LARS2: variants seen among roughly 807,000 people sequenced by gnomAD.
The protein encoded by LARS2 is leucyl-tRNA synthetase 2, mitochondrial, also known as leucine--tRNA ligase, mitochondrial.
LARS2 carries 81 observed loss-of-function variants against 116.6 expected under a neutral mutation model. The ratio of observed to expected loss-of-function variants is 0.69; its 90% CI spans 0.58 to 0.84. The LOEUF (loss-of-function observed/expected upper bound fraction) is 0.84. LARS2 is among the 40% of genes least tolerant of loss of function. The pLI, the probability that LARS2 is intolerant of heterozygous loss-of-function variation, is 0.00. For missense variants in LARS2, 968 were observed against 1,114.5 expected (o/e 0.87, Z 1.87); for synonymous variants, 396 against 407.2 (o/e 0.97, Z 0.33).
chr3:45,516,191 T>C lies in LARS2; in HGVS notation c.1959T>C (p.Val653=). Residue 653 remains valine (V), a synonymous_variant, in exon 17 of 22, where the codon GTT becomes GTC. Coordinates refer to ENST00000645846, the MANE Select transcript of LARS2 (RefSeq NM_015340.4). ...SKHNGVDPEE[V]VEQYGIDTIR... ...ACAACGGGGTGGACCCAGAGGAAGT[T>C]GTGGAGCAGTATGGGATCGACACGA... 6.2e-7 allele frequency: 1 copy of C among 1,614,178 alleles called. No individual in the cohort carries two copies. Among genetic ancestry groups the C allele is most frequent in the Non-Finnish European group, 8.5e-7 (1 of 1,180,022 alleles).
At chr3:45,535,589 G>C (rs1489233423) in intron 20 of LARS2, among the ~76,000 whole-genome samples, 1 of 152,130 alleles carries the variant, frequency 6.6e-6, no homozygotes. Flanking sequence ...CAATTGTAGA[G>C]ATGGAGAACA....
intron 8 of LARS2, among the ~76,000 whole-genome samples, chr3:45,466,849 T>A (rs952008946): frequency 2.0e-5 from 3 of 152,206 alleles, no homozygotes; most frequent in Non-Finnish European, 4.4e-5. Flanking sequence ...CCTGAGTAGC[T>A]GGGATTACAG....
In LARS2 at chr3:45,520,394, C is replaced by T. The variant is rs115300907; in HGVS notation, c.2292+98C>T. 3,051 of 783,394 alleles carry T rather than the reference C, an allele frequency of 3.9e-3. 46 individuals are homozygous for T. In the African/African-American group the frequency reaches 0.046, roughly 12 times the overall value. The allele number at this position is 783,394 out of a possible 1,614,324, so 48.5% of individuals were successfully genotyped here. On this transcript the variant is annotated intron_variant, in intron 19 of 21. Transcript: ENST00000645846. ...CCAAGAGGGACAGAGAGCACCCCCA[C>T]TGTGTCACCGCCTCAGTGTGGCTTG...
chr3:45,427,863 T>C (rs1347596653), intron 6 of LARS2, among the ~76,000 whole-genome samples: 1 of 150,824 alleles, frequency 6.6e-6, no homozygotes, highest in Non-Finnish European at 1.5e-5. Context: ...CTCTTCTTGC[T>C]CAGGCTGGAG....
At position 45,496,262 on chromosome 3, in the gene LARS2, A is replaced by G. The variant is rs1248129671; in HGVS notation, c.1524-13A>G. 2.5e-6 allele frequency: 4 copies of G among 1,593,966 alleles called. No individual in the cohort carries two copies. Among genetic ancestry groups the G allele is most frequent in the Non-Finnish European group, 3.4e-6 (4 of 1,162,636 alleles). ...AAAAAGAAACCAATTGATGAATTTC[A>G]TTTCTTTCTTAGGTGCAAGGGAGCA... On this transcript the variant is annotated splice_polypyrimidine_tract_variant and intron_variant, in intron 13 of 21. Coordinates refer to ENST00000645846, the MANE Select transcript of LARS2 (RefSeq NM_015340.4).
intron 13 of LARS2, among the ~76,000 whole-genome samples, chr3:45,494,204 G>A (rs1341588161): frequency 6.6e-6 from 1 of 152,160 alleles, no homozygotes; most frequent in East Asian, 1.9e-4. Flanking sequence ...GCCAGATCTA[G>A]GGCGCCCATG....
At chr3:45,444,531 G>T (rs1337397737) in intron 6 of LARS2, among the ~76,000 whole-genome samples, 2 of 144,606 alleles carry the variant, frequency 1.4e-5, no homozygotes, top group African/African-American at 5.0e-5. Flanking sequence ...GGGCGTAGTG[G>T]CGGGCGCCTG....
chr3:45,398,325 A>C (rs1698085511), intron 3 of LARS2, among the ~76,000 whole-genome samples: 1 of 152,152 alleles, frequency 6.6e-6, no homozygotes, highest in South Asian at 2.1e-4. Context: ...TGCTCTACTG[A>C]TTATATTTGG....
At chr3:45,506,713 T>C (rs1027326973) in intron 15 of LARS2, among the ~76,000 whole-genome samples, 2 of 152,210 alleles carry the variant, frequency 1.3e-5, no homozygotes, top group South Asian at 4.1e-4. Flanking sequence ...GCTGAACTCC[T>C]TTGGGTCTCA....
chr3:45,501,956 C>T (rs1700129969), intron 15 of LARS2, among the ~76,000 whole-genome samples: 1 of 151,772 alleles, frequency 6.6e-6, no homozygotes. Flanking sequence ...TTAATTTTTG[C>T]AGGTACATAG....
intron 16 of LARS2, among the ~76,000 whole-genome samples, chr3:45,513,773 C>A (rs1199938372): frequency 6.6e-6 from 1 of 152,196 alleles, no homozygotes; most frequent in Non-Finnish European, 1.5e-5. Context: ...CAAGCCTTTT[C>A]CTTCCACTCT....
chr3:45,499,874 A>T lies in LARS2; in HGVS notation c.1623-568A>T, dbSNP rs1275704688. Among the ~76,000 whole-genome samples the T allele has an allele frequency of 5.9e-5, 9 of 152,128 alleles. No individual in the cohort carries two copies. In the East Asian group the frequency reaches 1.7e-3, roughly 29 times the overall value. ...TTTATATGCAAATTGCTTTTGTTGA[A>T]ATATGTCAGTAATATCTTCTGTAAC... On this transcript the variant is annotated intron_variant, in intron 14 of 21. Transcript: ENST00000645846.
intron 8 of LARS2, among the ~76,000 whole-genome samples, chr3:45,467,111 C>T (rs898148625): frequency 4.6e-5 from 7 of 152,076 alleles, no homozygotes; most frequent in African/African-American, 1.7e-4. Flanking sequence ...CTGTTTTGTT[C>T]TTGGTGGAAT....
In LARS2 at chr3:45,414,427, A is replaced by G. The variant is rs1447234356; in HGVS notation, c.364-3055A>G. 2.6e-5 allele frequency among the ~76,000 whole-genome samples: 4 copies of G among 152,314 alleles called. No homozygotes were observed. In the East Asian group the frequency reaches 5.8e-4, roughly 22 times the overall value. ...AATTATGGTGAATATGTAATTATGG[A>G]AGAAAACAAGACCTATTTCTTTAGT... On this transcript the variant is annotated intron_variant, in intron 4 of 21. Transcript: ENST00000645846.
chr3:45,458,653 C>A, intron 7 of LARS2, 90 bp from the exon 8 acceptor site: 1 of 1,373,456 alleles, frequency 7.3e-7, no homozygotes, highest in Non-Finnish European at 1.0e-6. Flanking sequence ...CGCCACTGCA[C>A]TCTAGCCCGG....
Position 45,520,214 on chromosome 3 carries a change from A to C in LARS2, c.2215-5A>C, listed in dbSNP as rs1272427730. 1 of 1,600,894 alleles carries C rather than the reference A, an allele frequency of 6.2e-7. No homozygotes were observed. Among genetic ancestry groups the C allele is most frequent in the Non-Finnish European group, 8.6e-7 (1 of 1,168,008 alleles). On this transcript the variant is annotated splice_region_variant and splice_polypyrimidine_tract_variant and intron_variant, in intron 18 of 21. Transcript: ENST00000645846. ...ATAAGTAAATAATTGAACCTTTACT[A>C]ATAGGTGACCACCCATTTCACAGAG...
At position 45,392,365 on chromosome 3, in the gene LARS2, G is replaced by A. The variant is rs560200856; in HGVS notation, c.-22+717G>A. ...CGCCCAGGCTCTGGAGTGCAGTGGC[G>A]CTCACTGCAACCTCTGCCTCCCAGG... is the stretch of plus-strand genomic sequence containing the variant. On this transcript the variant is annotated intron_variant, in intron 2 of 21. Transcript: ENST00000645846. 8.0e-5 allele frequency among the ~76,000 whole-genome samples: 12 copies of A among 149,420 alleles called. No homozygotes were observed. In the South Asian group the frequency reaches 2.1e-3, roughly 26 times the overall value.
chr3:45,450,790 C>T (rs1431792520), intron 7 of LARS2, among the ~76,000 whole-genome samples: 1 of 152,090 alleles, frequency 6.6e-6, no homozygotes, highest in Non-Finnish European at 1.5e-5. Context: ...TACAAGGAAC[C>T]ACCTTACTGT....
chr3:45,481,843 TTTGATGAAA>T (rs1699708454), intron 10 of LARS2, among the ~76,000 whole-genome samples: 1 of 152,212 alleles, frequency 6.6e-6, no homozygotes, highest in African/African-American at 2.4e-5. Flanking sequence ...AGTTTTTCAT[TTTGATGAAA>T]TTAAGTTTGT....
Sources: gnomAD v4.1 joint callset for allele counts (sites outside exome capture counted in the v4.1 genomes callset) on GRCh38, gnomAD v4.1.1 for gene constraint, MANE v1.5 for transcripts, NCBI Gene and HGNC (gene_info 2026-07-23, HGNC 2026-07-21) for gene names.